The following VPS50 variants were observed in gnomAD, a reference collection of about 807,000 sequenced individuals.
The protein encoded by VPS50 is syndetin.
VPS50 carries 70 observed loss-of-function variants against 139.7 expected under a neutral mutation model. The ratio of observed to expected loss-of-function variants is 0.50; its 90% CI spans 0.41 to 0.61. The LOEUF is 0.61. Among genes scored for constraint, VPS50 ranks in the 20% least tolerant of loss-of-function variants. The pLI is 0.00. For missense variants in VPS50, 921 were observed against 1,133.7 expected (o/e 0.81, Z 2.69); for synonymous variants, 365 against 376.7 (o/e 0.97, Z 0.36).
At chr7:93,233,407 G>C (rs1235888771) in intron 1 of VPS50, among the ~76,000 whole-genome samples, 1 of 152,260 alleles carries the variant, frequency 6.6e-6, no homozygotes, top group Admixed American at 6.5e-5. Flanking sequence ...GAAGGTAATC[G>C]TTTAGTGAAA....
chr7:93,341,554 G>A lies in VPS50; in HGVS notation c.2186G>A (p.Arg729Lys). ...GATACGCTGTATGGGTTGGCAGAAA[G>A]AGTGGTAGCCACGGAATCCTTGTAA... is the stretch of plus-strand genomic sequence containing the variant. The part of the protein sequence containing the change: ...SGDTLYGLAE[R>K]VVATESLVFL... Residue 729 changes from arginine to lysine, a missense_variant, in exon 23 of 28, where the codon AGA becomes AAA. By Grantham distance (26) the Arg-to-Lys change is conservative. Transcript: ENST00000305866. 1 of 1,609,408 alleles carries A rather than the reference G, an allele frequency of 6.2e-7. No homozygotes were observed. The highest frequency in any genetic ancestry group is 8.5e-7 in the Non-Finnish European group (1 of 1,178,154).
intron 20 of VPS50, among the ~76,000 whole-genome samples, chr7:93,311,829 G>A (rs1797277661): frequency 6.6e-6 from 1 of 152,054 alleles, no homozygotes. Context: ...GGATGATGTG[G>A]ATTTTTTTAA....
intron 25 of VPS50, among the ~76,000 whole-genome samples, chr7:93,352,508 T>G (rs1341250085): frequency 6.6e-6 from 1 of 152,174 alleles, no homozygotes; most frequent in Non-Finnish European, 1.5e-5. Flanking sequence ...TTTTCTCCTG[T>G]GTATTATTAG....
At chr7:93,250,634 G>A (rs540033403) in intron 2 of VPS50, among the ~76,000 whole-genome samples, 1 of 152,060 alleles carries the variant, frequency 6.6e-6, no homozygotes, top group Non-Finnish European at 1.5e-5. Flanking sequence ...ATAGGCATGG[G>A]CAAAGACTTC....
At chr7:93,321,055 C>T (rs947333384) in intron 20 of VPS50, 2 of 152,112 alleles carry the variant, frequency 1.3e-5, no homozygotes, top group Non-Finnish European at 2.9e-5. Context: ...ATTGGCACAC[C>T]CATGCTCATT....
intron 27 of VPS50, among the ~76,000 whole-genome samples, chr7:93,357,189 G>C (rs911724049): frequency 6.6e-6 from 1 of 152,116 alleles, no homozygotes; most frequent in Non-Finnish European, 1.5e-5. Context: ...TTGGTACTGA[G>C]GAAAGGGTTT....
intron 20 of VPS50, among the ~76,000 whole-genome samples, chr7:93,317,342 G>A (rs557064587): frequency 6.6e-6 from 1 of 152,220 alleles, no homozygotes; most frequent in African/African-American, 2.4e-5. Context: ...TTAAGGTCAG[G>A]AGTTCAAGAG....
At chr7:93,269,008 C>T (rs568881969) in intron 9 of VPS50, among the ~76,000 whole-genome samples, 1 of 152,152 alleles carries the variant, frequency 6.6e-6, no homozygotes, top group African/African-American at 2.4e-5. Context: ...TGCAAGATGA[C>T]GCTGAGATTT....
At chr7:93,260,476 T>C (rs1646966312) in intron 9 of VPS50, among the ~76,000 whole-genome samples, 1 of 152,190 alleles carries the variant, frequency 6.6e-6, no homozygotes, top group Non-Finnish European at 1.5e-5. Context: ...TAGATGTTGA[T>C]TGCTAGTACC....
chr7:93,336,278 G>A (rs1798068648), intron 22 of VPS50, among the ~76,000 whole-genome samples: 2 of 151,962 alleles, frequency 1.3e-5, no homozygotes, highest in African/African-American at 2.4e-5. Flanking sequence ...AGCTGTAAAA[G>A]GCAAAATAGA....
chr7:93,271,109 C>G lies in VPS50; in HGVS notation c.660-111C>G. On this transcript the variant is annotated intron_variant, in intron 9 of 27. Transcript: ENST00000305866. The stretch of plus-strand genomic sequence containing the variant: ...AGAATTCAGCAGCATGTCTTACGAT[C>G]TATACTCTTAATCTTTGAATTTATG... 6 of 1,437,222 alleles carry G rather than the reference C, an allele frequency of 4.2e-6. No individual in the cohort carries two copies. In the South Asian group the frequency reaches 5.9e-5, roughly 14 times the overall value. 89.0% of individuals were successfully genotyped at this position (1,437,222 alleles called of 1,614,324 possible).
intron 21 of VPS50, among the ~76,000 whole-genome samples, chr7:93,331,642 A>G (rs1797944633): frequency 1.3e-5 from 2 of 152,170 alleles, no homozygotes; most frequent in African/African-American, 4.8e-5. Context: ...CTTCTAGAAA[A>G]AACTAGGAGA....
chr7:93,338,976 T>C (rs1336873118), intron 22 of VPS50, among the ~76,000 whole-genome samples: 5 of 152,172 alleles, frequency 3.3e-5, no homozygotes, highest in Non-Finnish European at 7.4e-5. Flanking sequence ...AGGCATGTTT[T>C]AGTGATTGAT....
At chr7:93,260,631 T>C (rs1190895214) in intron 9 of VPS50, among the ~76,000 whole-genome samples, 1 of 145,704 alleles carries the variant, frequency 6.9e-6, no homozygotes, top group Non-Finnish European at 1.5e-5. Flanking sequence ...TAAGTCTCTA[T>C]GGTTTTTTTT....
At chr7:93,294,975 A>C (rs990354195) in intron 14 of VPS50, among the ~76,000 whole-genome samples, 2 of 152,012 alleles carry the variant, frequency 1.3e-5, no homozygotes, top group Admixed American at 1.3e-4. Flanking sequence ...GTGTTTTCTT[A>C]ATTTTTTTTT....
At chr7:93,263,654 T>A (rs1171939061) in intron 9 of VPS50, among the ~76,000 whole-genome samples, 2 of 152,206 alleles carry the variant, frequency 1.3e-5, no homozygotes, top group South Asian at 2.1e-4. Flanking sequence ...CTGACTCTTA[T>A]GATTCTGAAA....
At chr7:93,336,870 T>G (rs1480995795) in intron 22 of VPS50, among the ~76,000 whole-genome samples, 1 of 152,190 alleles carries the variant, frequency 6.6e-6, no homozygotes, top group East Asian at 1.9e-4. Flanking sequence ...CCAGAAAAAT[T>G]CATAAATATG....
chr7:93,357,923 A>G (rs1022664052), intron 27 of VPS50, among the ~76,000 whole-genome samples: 20 of 152,120 alleles, frequency 1.3e-4, no homozygotes, highest in African/African-American at 4.8e-4. Flanking sequence ...CAAAATGTAG[A>G]GGGCCAGAAA....
chr7:93,254,974 T>C (rs1321207336), intron 4 of VPS50, among the ~76,000 whole-genome samples: 4 of 151,964 alleles, frequency 2.6e-5, no homozygotes, highest in Non-Finnish European at 4.4e-5. Context: ...GAGGTAGCAG[T>C]GGTGGTATAG....
Sources: gnomAD v4.1 joint callset for allele counts (sites outside exome capture counted in the v4.1 genomes callset) on GRCh38, gnomAD v4.1.1 for gene constraint, MANE v1.5 for transcripts, NCBI Gene and HGNC (gene_info 2026-07-23, HGNC 2026-07-21) for gene names.